The following CCDC12 variants were observed in gnomAD, a reference collection of about 807,000 sequenced individuals.
The protein encoded by CCDC12 is coiled-coil domain-containing protein 12.
Under a neutral mutation model 25.7 loss-of-function variants are expected in CCDC12, and 28 were observed. That is an observed-to-expected ratio of 1.09 (90% CI 0.81 to 1.50). The LOEUF (loss-of-function observed/expected upper bound fraction) is 1.50. Among genes scored for constraint, CCDC12 ranks in the 40% most tolerant of loss-of-function variants. The pLI, the probability that CCDC12 is intolerant of heterozygous loss-of-function variation, is 0.00. For missense variants in CCDC12, 198 were observed against 210.0 expected, an observed-to-expected ratio of 0.94 and a Z score of 0.35; for synonymous variants, 75 against 87.7, an observed-to-expected ratio of 0.86 and a Z score of 0.81.
chr3:46,973,300 C>T, intron 1 of CCDC12, among the ~76,000 whole-genome samples: 1 of 148,570 alleles, frequency 6.7e-6, no homozygotes, highest in East Asian at 2.0e-4. Context: ...TTGCAGTGAG[C>T]TGAGATCGTG....
chr3:46,958,592 C>G lies in CCDC12; in HGVS notation c.97-17527G>C, dbSNP rs2034370966. On this transcript the variant is annotated intron_variant, in intron 1 of 6. Transcript: ENST00000683445. ...ACCCTCGGTTTGGTTCTGGAACAAA[C>G]GCATCCAGCACTTTATAGAGCTCAA... Among the ~76,000 whole-genome samples the G allele has an allele frequency of 2.0e-5, 3 of 152,166 alleles. 1 individual carries two copies. The East Asian group carries it at 5.8e-4, about 29-fold the overall frequency.
chr3:46,959,606 C>G (rs1341107753), intron 1 of CCDC12, among the ~76,000 whole-genome samples: 1 of 152,186 alleles, frequency 6.6e-6, no homozygotes, highest in East Asian at 1.9e-4. Context: ...GAGGAAGCCC[C>G]AGCCCTTGCC....
In CCDC12 at chr3:46,949,716, C is replaced by A. The variant is rs774657371; in HGVS notation, c.97-8651G>T. The stretch of plus-strand genomic sequence containing the variant: ...GTCCACCATGTGGTACAGGGTCCCG[C>A]ATGACCCTGCACCATGAAAAACTGC... On this transcript the variant is annotated intron_variant, in intron 1 of 6. Transcript: ENST00000683445. Among the ~76,000 whole-genome samples the A allele has an allele frequency of 1.4e-3, 210 of 152,336 alleles. 1 individual carries two copies. Among genetic ancestry groups the A allele is most frequent in the Non-Finnish European group, 1.6e-3 (112 of 68,040 alleles).
At chr3:46,965,326 G>A (rs778437415) in intron 1 of CCDC12, among the ~76,000 whole-genome samples, 10 of 152,168 alleles carry the variant, frequency 6.6e-5, no homozygotes, top group South Asian at 4.1e-4. Context: ...TCAACCAAAC[G>A]GGAGACTGTG....
chr3:46,967,117 G>A (rs184484195), intron 1 of CCDC12, among the ~76,000 whole-genome samples: 21 of 151,980 alleles, frequency 1.4e-4, no homozygotes, highest in Non-Finnish European at 2.4e-4. Context: ...GTCTCTCTTC[G>A]CTTACCTGTC....
chr3:46,960,196 G>A (rs1247450488), intron 1 of CCDC12, among the ~76,000 whole-genome samples: 1 of 152,126 alleles, frequency 6.6e-6, no homozygotes, highest in Non-Finnish European at 1.5e-5. Context: ...GCAAGGGCCA[G>A]CCTCACTGAC....
At chr3:46,935,305 A>C (rs1386956029) in intron 2 of CCDC12, among the ~76,000 whole-genome samples, 2 of 152,042 alleles carry the variant, frequency 1.3e-5, no homozygotes, top group African/African-American at 2.4e-5. Context: ...TTGTTCAGGC[A>C]CTTTCTGGCA....
chr3:46,976,385 G>A (rs2034989911), intron 1 of CCDC12: 1 of 1,394,856 alleles, frequency 7.2e-7, no homozygotes, highest in Non-Finnish European at 9.3e-7. Context: ...GAGTCAGATG[G>A]ACTGCGGGTC....
At chr3:46,956,818 C>A (rs1209857964) in intron 1 of CCDC12, among the ~76,000 whole-genome samples, 1 of 41,736 alleles carries the variant, frequency 2.4e-5, no homozygotes, top group African/African-American at 5.2e-5. Context: ...CCTGTCACCA[C>A]CACACCCACC....
At chr3:46,981,847 C>G (rs2035368106) in intron 1 of CCDC12, 1 of 152,354 alleles carries the variant, frequency 6.6e-6, no homozygotes, top group Admixed American at 6.5e-5. Context: ...TCTAGCTGAG[C>G]TCTGTACATG....
chr3:46,948,501 G>C (rs552404691), intron 1 of CCDC12, among the ~76,000 whole-genome samples: 1 of 152,222 alleles, frequency 6.6e-6, no homozygotes, highest in Non-Finnish European at 1.5e-5. Context: ...ACTCACTGGG[G>C]GAAGGAAGGC....
intron 1 of CCDC12, among the ~76,000 whole-genome samples, chr3:46,970,659 A>G (rs1386297588): frequency 6.6e-6 from 1 of 152,226 alleles, no homozygotes; most frequent in Non-Finnish European, 1.5e-5. Flanking sequence ...CCTGTCTCAG[A>G]GCAGCAAGAG....
chr3:46,975,313 T>G (rs2034932483), intron 1 of CCDC12, among the ~76,000 whole-genome samples: 1 of 150,558 alleles, frequency 6.6e-6, no homozygotes, highest in South Asian at 2.1e-4. Context: ...GCCTCCCGAG[T>G]AACTGGGATT....
chr3:46,938,973 G>A (rs1267162878), intron 2 of CCDC12, among the ~76,000 whole-genome samples: 7 of 152,094 alleles, frequency 4.6e-5, no homozygotes, highest in South Asian at 2.1e-4. Flanking sequence ...TTCTGCTTTC[G>A]CTTTCTTGGC....
intron 2 of CCDC12, among the ~76,000 whole-genome samples, chr3:46,927,133 CG>C (rs1559548503): frequency 6.6e-6 from 1 of 152,148 alleles, no homozygotes; most frequent in African/African-American, 2.4e-5. Context: ...TGAACCACTG[CG>C]GGCGATGGGG....
intron 5 of CCDC12, 92 bp downstream of exon 5, chr3:46,923,237 C>T: frequency 7.8e-7 from 1 of 1,286,270 alleles, no homozygotes; most frequent in Non-Finnish European, 1.0e-6. Context: ...AGTCTCTGCA[C>T]TGTGACGGCA....
At chr3:46,977,845 C>A (rs991342139), upstream of CCDC12, among the ~76,000 whole-genome samples, 2 of 152,218 alleles carry the variant, frequency 1.3e-5, no homozygotes, top group Non-Finnish European at 2.9e-5. Context: ...GACTGCAAGT[C>A]GCCACAAGAT....
intron 1 of CCDC12, among the ~76,000 whole-genome samples, chr3:46,959,134 G>A (rs1051285190): frequency 2.6e-5 from 4 of 152,072 alleles, no homozygotes; most frequent in East Asian, 1.9e-4. Flanking sequence ...AGTCAGAACT[G>A]GCACATTTTT....
rs557763609 is a variant in CCDC12, at chr3:46,922,124, C to A, written c.434G>T (p.Gly145Val). ...IAELIRERLK[G>V]QEDSLASAVD... ...TGCAGAGGCTAGGCTGTCTTCCTGG[C>A]CTTTCAGCCTTTCACCTGGGATGGA... is the stretch of plus-strand genomic sequence containing the variant. Residue 145 changes from glycine to valine, a missense_variant, in exon 7 of 7, where the codon GGC (glycine) becomes GTC (valine). Transcript: ENST00000683445. 76 of 1,614,282 alleles carry A rather than the reference C, an allele frequency of 4.7e-5. No individual in the cohort carries two copies. The highest frequency in any genetic ancestry group is 6.4e-5 in the Non-Finnish European group (75 of 1,180,044).
Sources: allele counts gnomAD v4.1 joint callset (sites outside exome capture counted in the v4.1 genomes callset), GRCh38; gene constraint gnomAD v4.1.1; transcripts MANE v1.5; gene names NCBI Gene and HGNC (gene_info 2026-07-23, HGNC 2026-07-21).